DLEU7: variants seen among roughly 807,000 people sequenced by gnomAD.
The protein encoded by DLEU7 is deleted in lymphocytic leukemia 7, also known as leukemia-associated protein 7.
A neutral mutation model predicts 16.0 loss-of-function variants in DLEU7; 17 were observed. The observed-to-expected ratio is 1.06, with a 90% CI of 0.73 to 1.59. The LOEUF is 1.59. Among genes scored for constraint, DLEU7 ranks in the 40% most tolerant of loss-of-function variants. The pLI is 0.00. For synonymous variants in DLEU7, 113 were observed against 139.8 expected (o/e 0.81, Z 1.35); for missense variants, 308 against 314.9 (o/e 0.98, Z 0.17).
At position 50,792,935 on chromosome 13, in the gene DLEU7, G is replaced by A. The variant is rs78094303; in HGVS notation, c.459+50253C>T. Among the ~76,000 whole-genome samples the A allele has an allele frequency of 3.3e-3, 495 of 150,004 alleles. 1 individual carries two copies. Among genetic ancestry groups the A allele is most frequent in the African/African-American group, 0.011 (462 of 40,674 alleles). On this transcript the variant is annotated intron_variant, in intron 1 of 1. Coordinates refer to the DLEU7 transcript ENST00000400393. ...ACAGTTTCGTTACAAATTATATTGTGTGATGCCGAGGTTTGGAATATGAAT... is the reference window on the plus strand; with the variant it reads ...ACAGTTTCGTTACAAATTATATTGTATGATGCCGAGGTTTGGAATATGAAT...
At chr13:50,784,811 A>G (rs967402041) in intron 1 of DLEU7, among the ~76,000 whole-genome samples, 2 of 152,196 alleles carry the variant, frequency 1.3e-5, no homozygotes, top group Non-Finnish European at 2.9e-5. Context: ...TATAAAAGTA[A>G]GCGATTCATA....
At chr13:50,766,143 T>C (rs537146547) in intron 1 of DLEU7, among the ~76,000 whole-genome samples, 1 of 152,310 alleles carries the variant, frequency 6.6e-6, no homozygotes, top group African/African-American at 2.4e-5. Context: ...GACTACTGGA[T>C]TTGGCACAAA....
chr13:50,732,930 A>G (rs2137718153), intron 1 of DLEU7, among the ~76,000 whole-genome samples: 1 of 152,290 alleles, frequency 6.6e-6, no homozygotes, highest in African/African-American at 2.4e-5. Flanking sequence ...GTGGACCAGA[A>G]AAAACATCAC....
chr13:50,754,958 C>T (rs1458216513), intron 1 of DLEU7, among the ~76,000 whole-genome samples: 2 of 152,128 alleles, frequency 1.3e-5, no homozygotes, highest in South Asian at 2.1e-4. Context: ...TTCTTATCTT[C>T]ACTGGATACA....
intron 1 of DLEU7, among the ~76,000 whole-genome samples, chr13:50,768,418 A>AATG (rs1875186828): frequency 6.7e-6 from 1 of 148,734 alleles, no homozygotes; most frequent in Non-Finnish European, 1.5e-5. Context: ...TATTTCTTCT[A>AATG]ATGCTATCCC....
In DLEU7 at chr13:50,843,166, G is replaced by C. The variant is rs1936741570; in HGVS notation, c.459+22C>G. ...GGGAGGTTACCCTGCACGCCAGAGG[G>C]GATGGCGGGGGCCAGACTCACCTTC... On this transcript the variant is annotated intron_variant, in intron 1 of 1. Transcript: ENST00000504404. The surrounding 1 kb of genome is among the most constrained non-coding windows in gnomAD (Gnocchi z 5.7). 6.3e-7 allele frequency: 1 copy of C among 1,580,192 alleles called. No homozygotes were observed.
intron 1 of DLEU7, among the ~76,000 whole-genome samples, chr13:50,782,653 T>C (rs1002293101): frequency 1.3e-5 from 2 of 152,122 alleles, no homozygotes; most frequent in Non-Finnish European, 2.9e-5. Flanking sequence ...AGTTTCCATA[T>C]AGTGAGCTTC....
chr13:50,832,682 C>G (rs1056569192), intron 1 of DLEU7, among the ~76,000 whole-genome samples: 1 of 152,214 alleles, frequency 6.6e-6, no homozygotes, highest in Admixed American at 6.5e-5. Context: ...TACATTGTAT[C>G]TTTGTTCTCA....
In DLEU7 at chr13:50,726,568, A is replaced by T. The variant is rs1244025511; in HGVS notation, c.460-13328T>A. Among the ~76,000 whole-genome samples the T allele has an allele frequency of 6.6e-6, 1 of 152,236 alleles. No homozygotes were observed. The highest frequency in any genetic ancestry group is 1.5e-5 in the Non-Finnish European group (1 of 68,048). ...TTTGCCAAAATTCACAATGTTTGAA[A>T]AAAATAGGTTGAGACACTTTCTGAA... On this transcript the variant is annotated intron_variant, in intron 1 of 1. Coordinates refer to the DLEU7 transcript ENST00000400393. The surrounding 1 kb of genome is among the most constrained non-coding windows in gnomAD (Gnocchi z 4.0).
downstream of DLEU7, chr13:50,818,583 G>A (rs543045627): frequency 6.6e-6 from 1 of 152,226 alleles, no homozygotes; most frequent in Admixed American, 6.5e-5. Context: ...GTTCTAGAGA[G>A]GAAAAACAGG....
intron 1 of DLEU7, among the ~76,000 whole-genome samples, chr13:50,717,032 T>C (rs187507311): frequency 2.3e-3 from 357 of 152,348 alleles, no homozygotes; most frequent in African/African-American, 8.1e-3. Context: ...AGAAAAAAGA[T>C]ATATTTATTC....
At chr13:50,741,932 C>T (rs181563359) in intron 1 of DLEU7, among the ~76,000 whole-genome samples, 2 of 152,214 alleles carry the variant, frequency 1.3e-5, no homozygotes, top group African/African-American at 2.4e-5. Context: ...CTCTTCAGTA[C>T]ATTAGTATGA....
intron 1 of DLEU7, among the ~76,000 whole-genome samples, chr13:50,768,144 C>T (rs1454849468): frequency 5.3e-5 from 8 of 151,948 alleles, no homozygotes; most frequent in Admixed American, 6.6e-5. Flanking sequence ...TGAGGCTTTC[C>T]GGTAATATGG....
intron 1 of DLEU7, among the ~76,000 whole-genome samples, chr13:50,766,933 TC>T (rs59750679): frequency 0.033 from 5,029 of 152,138 alleles, 278 homozygotes; most frequent in African/African-American, 0.11. Context: ...GAGACTTGTC[TC>T]CCCTGGGTCT....
At chr13:50,750,502 T>C (rs1294160222) in intron 1 of DLEU7, among the ~76,000 whole-genome samples, 1 of 152,176 alleles carries the variant, frequency 6.6e-6, no homozygotes, top group Non-Finnish European at 1.5e-5. Flanking sequence ...GGAGATTGTG[T>C]TGAATTTGTA....
chr13:50,810,344 T>C (rs187540142), intron 1 of DLEU7, among the ~76,000 whole-genome samples: 30 of 152,216 alleles, frequency 2.0e-4, no homozygotes, highest in African/African-American at 6.7e-4. Flanking sequence ...TTAAAATTGG[T>C]TTTAAACCCA....
At chr13:50,815,925 A>G (rs11619316) in intron 1 of DLEU7, among the ~76,000 whole-genome samples, 2,730 of 152,022 alleles carry the variant, frequency 0.018, 41 homozygotes, top group East Asian at 0.039. Context: ...AATATTCTTG[A>G]GGGGGGGCTG....
intron 1 of DLEU7, among the ~76,000 whole-genome samples, chr13:50,762,882 A>C (rs909902442): frequency 6.6e-6 from 1 of 151,990 alleles, no homozygotes; most frequent in Non-Finnish European, 1.5e-5. Context: ...TGCATCCAGG[A>C]AGGGATGTTG....
intron 1 of DLEU7, among the ~76,000 whole-genome samples, chr13:50,742,242 GA>G (rs1417594642): frequency 6.6e-6 from 1 of 152,056 alleles, no homozygotes; most frequent in African/African-American, 2.4e-5. Context: ...TGAAAAAAAG[GA>G]ATGCAATCAA....
Sources: allele counts gnomAD v4.1 joint callset (sites outside exome capture counted in the v4.1 genomes callset), GRCh38; gene constraint gnomAD v4.1.1; non-coding constraint Gnocchi (gnomAD v3.1); transcripts MANE v1.5; gene names NCBI Gene and HGNC (gene_info 2026-07-23, HGNC 2026-07-21).